Variants in DNM3 observed in about 807,000 individuals in gnomAD.
The protein encoded by DNM3 is dynamin 3, also known as dynamin-3.
Under a neutral mutation model 101.6 loss-of-function variants are expected in DNM3, and 47 were observed. The observed-to-expected ratio is 0.46, with a 90% CI of 0.37 to 0.59. The LOEUF (loss-of-function observed/expected upper bound fraction) is 0.59. Ranked by LOEUF, DNM3 falls within the 20% of genes least tolerant of loss-of-function variation. The probability of loss-of-function intolerance (pLI) is 0.00; values close to 1 mark genes in which losing one functional copy is unlikely to be tolerated. For synonymous variants in DNM3, 385 were observed against 387.9 expected (o/e 0.99, Z 0.09); for missense variants, 849 against 1,085.7 (o/e 0.78, Z 3.06).
chr1:172,058,263 A>G (rs1393259633), intron 10 of DNM3, among the ~76,000 whole-genome samples: 2 of 151,934 alleles, frequency 1.3e-5, no homozygotes, highest in African/African-American at 4.8e-5. Context: ...TTAACACCCC[A>G]CTGTCAACAT....
intron 4 of DNM3, among the ~76,000 whole-genome samples, chr1:172,020,951 T>C (rs918252055): frequency 6.6e-6 from 1 of 152,204 alleles, no homozygotes; most frequent in African/African-American, 2.4e-5. Flanking sequence ...TTGTTTTCCA[T>C]GGAGGTTTCT....
intron 17 of DNM3, among the ~76,000 whole-genome samples, chr1:172,336,655 T>C (rs1328925779): frequency 2.6e-5 from 4 of 151,840 alleles, no homozygotes; most frequent in African/African-American, 9.7e-5. Context: ...TGTTTTCTTT[T>C]ACCTTCTTAT....
At chr1:172,185,261 T>C (rs772184999) in intron 14 of DNM3, among the ~76,000 whole-genome samples, 4 of 152,094 alleles carry the variant, frequency 2.6e-5, no homozygotes, top group African/African-American at 4.8e-5. Context: ...AGACTAGAAA[T>C]ATGCATTTAG....
chr1:172,100,038 T>C (rs980201963), intron 13 of DNM3, among the ~76,000 whole-genome samples: 12 of 152,186 alleles, frequency 7.9e-5, no homozygotes, highest in African/African-American at 2.7e-4. Context: ...ACTGCAATTG[T>C]ATAACTGGAA....
At chr1:171,872,307 T>C (rs1240804250) in intron 1 of DNM3, among the ~76,000 whole-genome samples, 1 of 152,164 alleles carries the variant, frequency 6.6e-6, no homozygotes, top group Non-Finnish European at 1.5e-5. Context: ...AAAAGCTTCT[T>C]TGTTATCTCC....
chr1:172,411,442 A>C lies in DNM3; in HGVS notation c.*3601A>C. The C allele has an allele frequency of 1.0e-6, 1 of 984,670 alleles. No individual in the cohort carries two copies. The highest frequency in any genetic ancestry group is 1.2e-6 in the Non-Finnish European group (1 of 829,430). The allele number at this position is 984,670 out of a possible 1,614,324, so 61.0% of individuals were successfully genotyped here. ...AAACCTCTGGAGACCTATCTTTAAG[A>C]TCTCTAATTGGAATTATAAATTATT... On this transcript the variant is annotated 3_prime_UTR_variant, in exon 21 of 21. Transcript: ENST00000627582.
At chr1:172,288,642 C>T (rs751817565) in intron 15 of DNM3, among the ~76,000 whole-genome samples, 3 of 152,086 alleles carry the variant, frequency 2.0e-5, no homozygotes, top group Non-Finnish European at 2.9e-5. Flanking sequence ...TAACTGGCTA[C>T]GTTGACAGAA....
At chr1:172,319,169 A>T (rs188928762) in intron 16 of DNM3, among the ~76,000 whole-genome samples, 2 of 152,350 alleles carry the variant, frequency 1.3e-5, no homozygotes, top group Admixed American at 1.3e-4. Flanking sequence ...TGGTGCTGGG[A>T]AAACTGGCTA....
At chr1:172,307,129 A>C (rs2757499) in intron 15 of DNM3, among the ~76,000 whole-genome samples, 14,219 of 152,158 alleles carry the variant, frequency 0.093, 882 homozygotes, top group African/African-American at 0.17. Flanking sequence ...TTCTACCCAT[A>C]TGACAAAGGG....
chr1:171,902,596 T>A (rs77042821), intron 1 of DNM3, among the ~76,000 whole-genome samples: 1,859 of 151,496 alleles, frequency 0.012, 37 homozygotes, highest in African/African-American at 0.042. Context: ...GTATTTTTTT[T>A]AATTGATCAA....
At chr1:172,078,577 A>G (rs1407891375) in intron 11 of DNM3, among the ~76,000 whole-genome samples, 6 of 151,762 alleles carry the variant, frequency 4.0e-5, no homozygotes, top group African/African-American at 1.5e-4. Context: ...TCTTTATTCA[A>G]TTTGCCAGTC....
rs756681009 is a variant in DNM3 at position 172,342,836 on chromosome 1, GAT to G, written c.1893+19499_1893+19500del. ...AGTAATCTGTAAAGCTATTGTTTCT[GAT>G]ATGAGTCAGTTTCTTTGTCCTTCCC... On this transcript the variant is annotated intron_variant, in intron 17 of 20. Coordinates refer to ENST00000627582, the MANE Select transcript of DNM3 (RefSeq NM_015569.5). Among the ~76,000 whole-genome samples, 6 of 152,270 alleles carry G rather than the reference GAT, an allele frequency of 3.9e-5. No homozygotes were observed. In the East Asian group the frequency reaches 9.6e-4, roughly 24 times the overall value.
At chr1:172,274,515 T>C (rs1163364042) in intron 15 of DNM3, among the ~76,000 whole-genome samples, 1 of 152,066 alleles carries the variant, frequency 6.6e-6, no homozygotes, top group Admixed American at 6.6e-5. Context: ...AAAGATATCA[T>C]GCATACCTTT....
chr1:172,334,738 G>T (rs1460427112), intron 17 of DNM3, among the ~76,000 whole-genome samples: 1 of 150,972 alleles, frequency 6.6e-6, no homozygotes, highest in East Asian at 1.9e-4. Context: ...GTTTGCCTTA[G>T]GAAGTATGAT....
chr1:172,085,590 A>G (rs141965609), intron 12 of DNM3, among the ~76,000 whole-genome samples: 104 of 152,252 alleles, frequency 6.8e-4, no homozygotes, highest in African/African-American at 2.3e-3. Flanking sequence ...TTGTTTTTCA[A>G]TCTGCTCAGT....
intron 18 of DNM3, among the ~76,000 whole-genome samples, chr1:172,384,675 G>C (rs1383526586): frequency 6.6e-6 from 1 of 152,160 alleles, no homozygotes; most frequent in African/African-American, 2.4e-5. Context: ...TTGCTTCATG[G>C]TTTGACAGTT....
chr1:171,871,565 A>G (rs530285294), intron 1 of DNM3, among the ~76,000 whole-genome samples: 2 of 152,302 alleles, frequency 1.3e-5, no homozygotes, highest in South Asian at 2.1e-4. Context: ...TGCTGGTCCT[A>G]TGAACACCGT....
At chr1:171,995,259 C>T (rs1254412695) in intron 4 of DNM3, among the ~76,000 whole-genome samples, 1 of 152,026 alleles carries the variant, frequency 6.6e-6, no homozygotes, top group African/African-American at 2.4e-5. Flanking sequence ...GCATGTGCCA[C>T]CACATCCAGC....
intron 16 of DNM3, among the ~76,000 whole-genome samples, chr1:172,314,773 G>A (rs1044635309): frequency 2.6e-5 from 4 of 152,224 alleles, no homozygotes; most frequent in South Asian, 2.1e-4. Context: ...AGCTCAAGGA[G>A]GCCTGCCTGC....
Sources: allele counts gnomAD v4.1 joint callset (sites outside exome capture counted in the v4.1 genomes callset), GRCh38; gene constraint gnomAD v4.1.1; transcripts MANE v1.5; gene names NCBI Gene and HGNC (gene_info 2026-07-23, HGNC 2026-07-21).